The following GPR157 variants were observed in gnomAD, a reference collection of about 807,000 sequenced individuals.
The protein encoded by GPR157 is G-protein coupled receptor 157.
A neutral mutation model predicts 23.5 loss-of-function variants in GPR157; 16 were observed. The ratio of observed to expected loss-of-function variants is 0.68; its 90% CI spans 0.46 to 1.04. GPR157 has a LOEUF of 1.04. Ranked by LOEUF, GPR157 falls within the 50% of genes least tolerant of loss-of-function variation. The pLI, the probability that GPR157 is intolerant of heterozygous loss-of-function variation, is 0.00. For synonymous variants in GPR157, 200 were observed against 221.5 expected (o/e 0.90, Z 0.86); for missense variants, 440 against 460.7 (o/e 0.96, Z 0.41).
chr1:9,104,089 T>G lies in GPR157; in HGVS notation c.*330A>C. 3.1e-6 allele frequency: 1 copy of G among 317,626 alleles called. No homozygotes were observed. The highest frequency in any genetic ancestry group is 6.0e-6 in the Non-Finnish European group (1 of 165,384). 19.7% of individuals were successfully genotyped at this position (317,626 alleles called of 1,614,324 possible). On this transcript the variant is annotated 3_prime_UTR_variant, in exon 4 of 4. Transcript: ENST00000377411. ...GGGTCCCTCAGATTGTAAACAGTGC[T>G]GTGTGGTCCTCAGGACATCAAGGTC...
intron 1 of GPR157, among the ~76,000 whole-genome samples, chr1:9,116,339 T>TAA (rs1491438357): frequency 3.6e-4 from 5 of 13,948 alleles, no homozygotes; most frequent in African/African-American, 3.0e-3. Context: ...TTATATATAA[T>TAA]TTATATATAA....
intron 1 of GPR157, among the ~76,000 whole-genome samples, chr1:9,116,707 GC>G (rs1216203655): frequency 6.7e-6 from 1 of 148,708 alleles, no homozygotes. Context: ...TCGTGCCACT[GC>G]ACTCCAGCCT....
chr1:9,119,030 C>CTT (rs775520071), intron 1 of GPR157, among the ~76,000 whole-genome samples: 13 of 113,226 alleles, frequency 1.1e-4, no homozygotes, highest in Non-Finnish European at 1.7e-4. Flanking sequence ...GAGACCCTGC[C>CTT]TTTTTTTTTT....
Position 9,103,819 on chromosome 1 carries a change from C to T in GPR157, c.*600G>A, listed in dbSNP as rs994782953. On this transcript the variant is annotated 3_prime_UTR_variant, in exon 4 of 4. Coordinates refer to ENST00000377411, the MANE Select transcript of GPR157 (RefSeq NM_024980.5). ...CAGGAGGCCCGGGGAGACTGCTGTC[C>T]CTGAGCAGCTGCGCCGGGCTGTGCT... is the stretch of plus-strand genomic sequence containing the variant. The T allele has an allele frequency of 6.6e-6, 1 of 152,626 alleles. No individual in the cohort carries two copies. The highest frequency in any genetic ancestry group is 2.4e-5 in the African/African-American group (1 of 41,450). The allele number at this position is 152,626 out of a possible 1,614,324, so 9.5% of individuals were successfully genotyped here. A position where few individuals can be genotyped will look rare whatever the true frequency, so the allele number is the denominator to read the frequency against.
At chr1:9,111,598 G>A in intron 1 of GPR157, 109 bp from the exon 2 acceptor site, 1 of 806,900 alleles carries the variant, frequency 1.2e-6, no homozygotes. Context: ...ATGCTCTCCA[G>A]AGCCTGGATG....
chr1:9,123,316 TTAAAATATATATA>T (rs1638858577), intron 1 of GPR157, among the ~76,000 whole-genome samples: 1 of 23,642 alleles, frequency 4.2e-5, no homozygotes, highest in African/African-American at 1.9e-4. Context: ...TAAATATATA[TTAAAATATATATA>T]TTTAATTTAA....
intron 1 of GPR157, among the ~76,000 whole-genome samples, chr1:9,123,262 AT>A (rs1638851160): frequency 1.5e-4 from 3 of 19,854 alleles, no homozygotes; most frequent in African/African-American, 8.3e-4. Context: ...ATATATTTAA[AT>A]ATATATATTT....
chr1:9,117,580 C>T (rs997926238), intron 1 of GPR157, among the ~76,000 whole-genome samples: 2 of 152,092 alleles, frequency 1.3e-5, no homozygotes, highest in Admixed American at 6.6e-5. Context: ...GCCAACATGG[C>T]GAAACCCCAT....
In GPR157 at chr1:9,105,298, C is replaced by G. The variant is rs1638265666; in HGVS notation, c.792+188G>C. Among the ~76,000 whole-genome samples the G allele has an allele frequency of 6.6e-6, 1 of 152,156 alleles. No homozygotes were observed. The highest frequency in any genetic ancestry group is 1.5e-5 in the Non-Finnish European group (1 of 68,030). On this transcript the variant is annotated intron_variant, in intron 3 of 3. Transcript: ENST00000377411. This position sits in a 1 kb window ranked among gnomAD's most constrained non-coding sequence, Gnocchi z 4.8. ...CCTCACCACCCCGGACCACACTGAT[C>G]CCACTCTGCCTTCTCTCTTCAAGGT...
intron 2 of GPR157, 55 bp downstream of exon 2, chr1:9,111,221 G>T: frequency 6.5e-7 from 1 of 1,546,290 alleles, no homozygotes; most frequent in Non-Finnish European, 8.9e-7. Flanking sequence ...GCCAGGCCTT[G>T]CACCTGGGCA....
In GPR157 at chr1:9,128,659, G is replaced by T; in HGVS notation, c.369C>A (p.Ala123=). The change falls in exon 1 of 4, where the codon GCC becomes GCA. Residue 123 remains alanine, a synonymous_variant. Coordinates refer to ENST00000377411, the MANE Select transcript of GPR157 (RefSeq NM_024980.5). This position sits in a 1 kb window ranked among gnomAD's most constrained non-coding sequence, Gnocchi z 6.3. ...RGPRTDRLLW[A]FHVVSWGVPL... Reference sequence around the variant, plus strand: ...CCGCCACCCACCTGACGACATGGAAGGCCCAAAGCAGGCGATCTGTGCGAG... The same window carrying T: ...CCGCCACCCACCTGACGACATGGAATGCCCAAAGCAGGCGATCTGTGCGAG... The T allele has an allele frequency of 6.2e-7, 1 of 1,613,036 alleles. No individual in the cohort carries two copies.
chr1:9,128,806 GC>G lies in GPR157; in HGVS notation c.221del (p.Gly74AlafsTer69). ...YFYGVLQNFA[G>X]PSWDCVLQGA... ...CCTGCAGCACGCAGTCCCACGACGGGCCCGCGAAGTTCTGCAGCACTCCGTA... is the reference window on the plus strand; with the variant it reads ...CCTGCAGCACGCAGTCCCACGACGGGCCGCGAAGTTCTGCAGCACTCCGTA... On this transcript the variant is annotated frameshift_variant, in exon 1 of 4. Transcript: ENST00000377411. LOFTEE classifies it high-confidence loss of function. The surrounding 1 kb of genome is among the most constrained non-coding windows in gnomAD (Gnocchi z 6.3). 6.2e-7 allele frequency: 1 copy of G among 1,610,562 alleles called. No individual in the cohort carries two copies. The highest frequency in any genetic ancestry group is 8.5e-7 in the Non-Finnish European group (1 of 1,178,468).
At position 9,128,912 on chromosome 1, in the gene GPR157, C is replaced by A. The variant is rs1455873085; in HGVS notation, c.116G>T (p.Trp39Leu). The A allele has an allele frequency of 1.3e-6, 2 of 1,544,426 alleles. No homozygotes were observed. Among genetic ancestry groups the A allele is most frequent in the African/African-American group, 2.7e-5 (2 of 72,990 alleles). The change falls in exon 1 of 4, where the codon TGG (tryptophan) becomes TTG (leucine). Residue 39 changes from tryptophan to leucine, a missense_variant. By Grantham distance (61) the Trp-to-Leu change is moderately conservative. Transcript: ENST00000377411. This position sits in a 1 kb window ranked among gnomAD's most constrained non-coding sequence, Gnocchi z 6.3. Reference sequence around the variant, plus strand: ...CCGTGCCCGGCTGCGCAGGTCGGGCCACAGGGCGTGCGTGGCCACCAGCAG... The same window carrying A: ...CCGTGCCCGGCTGCGCAGGTCGGGCAACAGGGCGTGCGTGGCCACCAGCAG... ...SGLLVATHAL[W>L]PDLRSRARRL...
chr1:9,123,261 A>AATATAT (rs371897260), intron 1 of GPR157, among the ~76,000 whole-genome samples: 1 of 26,952 alleles, frequency 3.7e-5, no homozygotes, highest in African/African-American at 1.3e-4. Context: ...TATATATTTA[A>AATATAT]ATATATATAT....
intron 2 of GPR157, among the ~76,000 whole-genome samples, chr1:9,108,072 C>A (rs1638387166): frequency 6.6e-6 from 1 of 152,124 alleles, no homozygotes; most frequent in Non-Finnish European, 1.5e-5. Flanking sequence ...CTGGGCAACA[C>A]AGTGAGACGC....
At chr1:9,125,919 T>G (rs539229597) in intron 1 of GPR157, among the ~76,000 whole-genome samples, 32 of 151,966 alleles carry the variant, frequency 2.1e-4, no homozygotes, top group African/African-American at 7.5e-4. Context: ...TCAATAATAC[T>G]GTAGAAAAAT....
intron 1 of GPR157, among the ~76,000 whole-genome samples, chr1:9,123,174 A>AAAAAAAAAAAAAT (rs1553175764): frequency 1.5e-4 from 18 of 117,088 alleles, no homozygotes; most frequent in African/African-American, 5.1e-4. Flanking sequence ...AAAAAAAAAA[A>AAAAAAAAAAAAAT]ATATATATAT....
Position 9,128,760 on chromosome 1 carries a change from T to A in GPR157, c.268A>T (p.Asn90Tyr). The change falls in exon 1 of 4, where the codon AAC becomes TAC. Residue 90 changes from asparagine to tyrosine, a missense_variant. Transcript: ENST00000377411. The surrounding 1 kb of genome is among the most constrained non-coding windows in gnomAD (Gnocchi z 6.3). ...ACGGTCCAGAAGAAGGAGCTGGTGT[T>A]GGCGAAGGTGGACAGCGCGCCCTGC... is the stretch of plus-strand genomic sequence containing the variant. Reference protein sequence around the residue: ...VLQGALSTFANTSSFFWTVAI... With the variant: ...VLQGALSTFAYTSSFFWTVAI... The A allele has an allele frequency of 6.2e-7, 1 of 1,612,610 alleles. No homozygotes were observed. The highest frequency in any genetic ancestry group is 8.5e-7 in the Non-Finnish European group (1 of 1,179,452).
rs1381552993 is a variant in GPR157, at chr1:9,128,066, A to T, written c.383+579T>A. Among the ~76,000 whole-genome samples, 1 of 152,158 alleles carries T rather than the reference A, an allele frequency of 6.6e-6. No individual in the cohort carries two copies. Among genetic ancestry groups the T allele is most frequent in the African/African-American group, 2.4e-5 (1 of 41,440 alleles). On this transcript the variant is annotated intron_variant, in intron 1 of 3. Transcript: ENST00000377411. The surrounding 1 kb of genome is among the most constrained non-coding windows in gnomAD (Gnocchi z 6.3). ...AATTGCTGAACTCTGGAAAGTCAAG[A>T]TCATCTAGAACAGAAATACAAGGGG...
Sources: gnomAD v4.1 joint callset for allele counts (sites outside exome capture counted in the v4.1 genomes callset) on GRCh38, gnomAD v4.1.1 for gene constraint, Gnocchi (gnomAD v3.1) non-coding constraint, MANE v1.5 for transcripts, NCBI Gene and HGNC (gene_info 2026-07-23, HGNC 2026-07-21) for gene names.